The following GLUD1 variants were observed in gnomAD, a reference collection of about 807,000 sequenced individuals.
GLUD1 encodes glutamate dehydrogenase 1, also known as glutamate dehydrogenase 1, mitochondrial.
GLUD1 carries 22 observed loss-of-function variants against 56.0 expected under a neutral mutation model. That is an observed-to-expected ratio of 0.39 (90% CI 0.28 to 0.56). The LOEUF (loss-of-function observed/expected upper bound fraction) is 0.56. GLUD1 is among the 20% of genes least tolerant of loss of function. GLUD1 has a pLI of 0.58. For missense variants in GLUD1, 451 were observed against 732.0 expected (o/e 0.62, Z 4.43); for synonymous variants, 223 against 269.9 (o/e 0.83, Z 1.70).
chr10:87,087,442 G>T (rs1000971571), intron 1 of GLUD1, among the ~76,000 whole-genome samples: 2 of 152,204 alleles, frequency 1.3e-5, no homozygotes, highest in Non-Finnish European at 2.9e-5. Context: ...AGAGGTCAAA[G>T]GGTGGGACTG....
rs1435852040 is a variant in GLUD1, at chr10:87,074,025, AT to A, written c.646+525del. 3.3e-5 allele frequency among the ~76,000 whole-genome samples: 5 copies of A among 152,196 alleles called. No individual in the cohort carries two copies. The East Asian group carries it at 7.7e-4, about 23-fold the overall frequency. ...TTAGAAGCCTTCTAGATTAAAAAAA[AT>A]ATAGGTTTAAACTGCTTGAAAATTA... On this transcript the variant is annotated intron_variant, in intron 4 of 12. Coordinates refer to ENST00000277865, the MANE Select transcript of GLUD1 (RefSeq NM_005271.5).
chr10:87,086,832 GAAAAAA>G (rs367807316), intron 1 of GLUD1, among the ~76,000 whole-genome samples: 26 of 70,420 alleles, frequency 3.7e-4, no homozygotes, highest in Non-Finnish European at 7.4e-4. Flanking sequence ...CCGTCTCAAA[GAAAAAA>G]AAAAAAAAAA....
intron 1 of GLUD1, among the ~76,000 whole-genome samples, chr10:87,082,618 T>C (rs930685626): frequency 6.6e-5 from 10 of 152,222 alleles, no homozygotes; most frequent in African/African-American, 1.2e-4. Flanking sequence ...GCAAGTGATA[T>C]TGCCTGGGCT....
At chr10:87,067,546 C>A (rs1272696754) in intron 5 of GLUD1, among the ~76,000 whole-genome samples, 1 of 152,170 alleles carries the variant, frequency 6.6e-6, no homozygotes, top group Non-Finnish European at 1.5e-5. Flanking sequence ...CTTTCTATTA[C>A]CTTTATAAAT....
intron 3 of GLUD1, among the ~76,000 whole-genome samples, chr10:87,075,077 G>A (rs544124670): frequency 6.6e-6 from 1 of 152,170 alleles, no homozygotes; most frequent in Non-Finnish European, 1.5e-5. Context: ...ACTAGAATCA[G>A]ATCCTGACAT....
intron 12 of GLUD1, among the ~76,000 whole-genome samples, chr10:87,052,669 CA>C (rs751155208): frequency 0.036 from 1,499 of 41,634 alleles, 2 homozygotes; most frequent in Middle Eastern, 0.12. Flanking sequence ...AACTCCGTCT[CA>C]AAAAAAAAAA....
intron 11 of GLUD1, among the ~76,000 whole-genome samples, chr10:87,055,717 G>T (rs1317117080): frequency 6.6e-6 from 1 of 152,212 alleles, no homozygotes; most frequent in Admixed American, 6.5e-5. Flanking sequence ...TTAGTACCTA[G>T]AATGGGTAAA....
At chr10:87,067,807 C>T (rs1846117040) in intron 5 of GLUD1, 8 of 432,472 alleles carry the variant, frequency 1.8e-5, no homozygotes, top group African/African-American at 4.0e-5. Flanking sequence ...TCTTGATGTA[C>T]GTTCTAGTGT....
chr10:87,056,998 T>TGGC (rs1282065199), intron 11 of GLUD1, among the ~76,000 whole-genome samples: 1 of 144,722 alleles, frequency 6.9e-6, no homozygotes, highest in Non-Finnish European at 1.5e-5. Flanking sequence ...GGGAGGGGGG[T>TGGC]GGCGGCGGCG....
chr10:87,078,280 C>T (rs781536116), intron 1 of GLUD1, among the ~76,000 whole-genome samples: 6 of 152,156 alleles, frequency 3.9e-5, no homozygotes, highest in Admixed American at 1.3e-4. Context: ...TTCCAGCACA[C>T]AGCAGATATC....
chr10:87,067,906 A>G, intron 5 of GLUD1, 157 bp downstream of exon 5: 2 of 648,968 alleles, frequency 3.1e-6, no homozygotes, highest in Non-Finnish European at 5.6e-6. Context: ...ATTACGATTT[A>G]AGAATAGACA....
intron 1 of GLUD1, among the ~76,000 whole-genome samples, chr10:87,087,327 C>T (rs1468370127): frequency 6.6e-6 from 1 of 152,204 alleles, no homozygotes. Context: ...GCTCTCTGAA[C>T]TCTCCCCATA....
chr10:87,089,580 C>T (rs1162070094), intron 1 of GLUD1: 1 of 983,072 alleles, frequency 1.0e-6, no homozygotes, highest in South Asian at 4.7e-5. Context: ...AGGCAGTTGA[C>T]CTCAAGTGAA....
At chr10:87,089,112 T>G (rs538334201) in intron 1 of GLUD1, among the ~76,000 whole-genome samples, 24 of 152,350 alleles carry the variant, frequency 1.6e-4, no homozygotes, top group African/African-American at 5.8e-4. Context: ...AGGAAGAAGG[T>G]AGGTCTTCTA....
At chr10:87,066,171 C>T (rs1042234450) in intron 5 of GLUD1, among the ~76,000 whole-genome samples, 1 of 152,184 alleles carries the variant, frequency 6.6e-6, no homozygotes, top group Non-Finnish European at 1.5e-5. Context: ...CTCTGGGTAA[C>T]AGCCACTTTT....
chr10:87,060,087 T>C (rs1845888777), intron 9 of GLUD1, 74 bp downstream of exon 9: 2 of 958,018 alleles, frequency 2.1e-6, no homozygotes, highest in African/African-American at 1.6e-5. Flanking sequence ...AATTCCTCTC[T>C]TCCTCCAAAT....
chr10:87,086,742 A>G (rs1841391564), intron 1 of GLUD1, among the ~76,000 whole-genome samples: 1 of 151,628 alleles, frequency 6.6e-6, no homozygotes, highest in Non-Finnish European at 1.5e-5. Flanking sequence ...GAGGCAGGAG[A>G]ATGGCATCAA....
chr10:87,080,210 G>T (rs1305138225), intron 1 of GLUD1, among the ~76,000 whole-genome samples: 1 of 152,052 alleles, frequency 6.6e-6, no homozygotes, highest in Non-Finnish European at 1.5e-5. Flanking sequence ...GAGGTGCCAG[G>T]ATTGCAGACG....
chr10:87,085,364 A>AC (rs958988033), intron 1 of GLUD1, among the ~76,000 whole-genome samples: 4 of 151,746 alleles, frequency 2.6e-5, no homozygotes, highest in African/African-American at 7.3e-5. Context: ...AAAAAAAAAA[A>AC]ACCAGAAAAA....
Sources: allele counts gnomAD v4.1 joint callset (sites outside exome capture counted in the v4.1 genomes callset), GRCh38; gene constraint gnomAD v4.1.1; transcripts MANE v1.5; gene names NCBI Gene and HGNC (gene_info 2026-07-23, HGNC 2026-07-21).